The following CDKAL1 variants were observed in gnomAD, a reference collection of about 807,000 sequenced individuals.
The protein encoded by CDKAL1 is threonylcarbamoyladenosine tRNA methylthiotransferase.
CDKAL1 carries 32 observed loss-of-function variants against 68.2 expected under a neutral mutation model. That is an observed-to-expected ratio of 0.47 (90% confidence interval 0.35 to 0.63). CDKAL1 has a LOEUF of 0.63. CDKAL1 is among the 30% of genes least tolerant of loss of function. The probability of loss-of-function intolerance (pLI) is 0.00; values close to 1 mark genes in which losing one functional copy is unlikely to be tolerated. For synonymous variants in CDKAL1, 234 were observed against 244.3 expected (o/e 0.96, Z 0.39); for missense variants, 606 against 696.7 (o/e 0.87, Z 1.47).
At chr6:20,967,485 A>G (rs9460583) in intron 10 of CDKAL1, among the ~76,000 whole-genome samples, 18,026 of 152,216 alleles carry the variant, frequency 0.12, 1,316 homozygotes, top group African/African-American at 0.21. Context: ...ATAATAACAT[A>G]TGAAAACTTT....
chr6:20,587,940 A>G (rs962889026), intron 4 of CDKAL1, among the ~76,000 whole-genome samples: 1 of 152,076 alleles, frequency 6.6e-6, no homozygotes, highest in African/African-American at 2.4e-5. Flanking sequence ...TATGAAAAAT[A>G]TAAAAATTTA....
chr6:21,059,057 TC>T (rs1403906553), intron 11 of CDKAL1, among the ~76,000 whole-genome samples: 4 of 152,200 alleles, frequency 2.6e-5, no homozygotes, highest in African/African-American at 9.6e-5. Flanking sequence ...GCCCCTCCCC[TC>T]AGGGTCTCTG....
intron 8 of CDKAL1, among the ~76,000 whole-genome samples, chr6:20,821,356 C>G (rs1325236923): frequency 6.6e-6 from 1 of 151,992 alleles, no homozygotes; most frequent in Non-Finnish European, 1.5e-5. Flanking sequence ...AGGGTAAGCC[C>G]CTCCTCTGGA....
chr6:20,897,646 C>T (rs1761763460), intron 9 of CDKAL1, among the ~76,000 whole-genome samples: 2 of 152,172 alleles, frequency 1.3e-5, no homozygotes, highest in South Asian at 2.1e-4. Context: ...GGGACTACAA[C>T]ATTATCCTAA....
chr6:21,048,778 A>T (rs1314895770), intron 11 of CDKAL1, among the ~76,000 whole-genome samples: 2 of 152,074 alleles, frequency 1.3e-5, no homozygotes, highest in Non-Finnish European at 2.9e-5. Context: ...TTTCCCATTA[A>T]AGAATGCCAT....
chr6:21,167,219 C>T (rs1388916285), intron 13 of CDKAL1, among the ~76,000 whole-genome samples: 1 of 152,008 alleles, frequency 6.6e-6, no homozygotes, highest in Non-Finnish European at 1.5e-5. Context: ...TTTTTGAGCC[C>T]GTGAGAAAGA....
chr6:20,833,282 A>T (rs148969533), intron 8 of CDKAL1, among the ~76,000 whole-genome samples: 1,727 of 152,282 alleles, frequency 0.011, 31 homozygotes, highest in African/African-American at 0.039. Context: ...ATTCTTTTGG[A>T]AAGAGAGTGG....
At chr6:20,738,541 T>C (rs547816486) in intron 5 of CDKAL1, among the ~76,000 whole-genome samples, 1 of 145,516 alleles carries the variant, frequency 6.9e-6, no homozygotes, top group Non-Finnish European at 1.5e-5. Context: ...CAGGCTAGAA[T>C]ACAGTGGCGC....
chr6:20,694,295 G>A (rs573271938), intron 5 of CDKAL1, among the ~76,000 whole-genome samples: 9 of 152,082 alleles, frequency 5.9e-5, no homozygotes, highest in African/African-American at 1.7e-4. Context: ...CTCCTGCCTC[G>A]GCCTCCCAAA....
At chr6:20,923,731 G>A (rs1219164296) in intron 9 of CDKAL1, among the ~76,000 whole-genome samples, 1 of 152,212 alleles carries the variant, frequency 6.6e-6, no homozygotes, top group Non-Finnish European at 1.5e-5. Context: ...AGCTAGAAAT[G>A]GGCAGGCATG....
intron 11 of CDKAL1, among the ~76,000 whole-genome samples, chr6:21,036,586 A>G (rs999543830): frequency 1.3e-5 from 2 of 152,200 alleles, no homozygotes; most frequent in Non-Finnish European, 2.9e-5. Flanking sequence ...TTACATTTTC[A>G]CAAGCTTTTG....
chr6:20,936,695 T>A (rs2150686974), intron 9 of CDKAL1, among the ~76,000 whole-genome samples: 1 of 152,272 alleles, frequency 6.6e-6, no homozygotes, highest in South Asian at 2.1e-4. Flanking sequence ...AATACAGGCA[T>A]TATCTTTTTT....
At chr6:20,571,003 G>T (rs1764678256) in intron 4 of CDKAL1, among the ~76,000 whole-genome samples, 1 of 152,154 alleles carries the variant, frequency 6.6e-6, no homozygotes, top group South Asian at 2.1e-4. Context: ...ATATTCTGCT[G>T]TGGGGATTTT....
intron 7 of CDKAL1, among the ~76,000 whole-genome samples, chr6:20,774,682 T>C (rs1424888887): frequency 1.3e-5 from 2 of 152,362 alleles, no homozygotes; most frequent in South Asian, 4.1e-4. Context: ...TCATAAGCAT[T>C]TCAGTATTAT....
intron 13 of CDKAL1, among the ~76,000 whole-genome samples, chr6:21,184,823 A>AT (rs34599800): frequency 0.4 from 40,544 of 101,606 alleles, 9,883 homozygotes; most frequent in African/African-American, 0.64. Context: ...CGTGCAGCTA[A>AT]TTTTTTTTTT....
At chr6:21,158,239 T>C (rs1349144117) in intron 13 of CDKAL1, among the ~76,000 whole-genome samples, 1 of 152,204 alleles carries the variant, frequency 6.6e-6, no homozygotes, top group Non-Finnish European at 1.5e-5. Context: ...TCATCCAACC[T>C]TTATTGAGGA....
intron 11 of CDKAL1, among the ~76,000 whole-genome samples, chr6:21,009,805 A>C (rs1269241552): frequency 6.6e-6 from 1 of 152,192 alleles, no homozygotes; most frequent in Admixed American, 6.5e-5. Flanking sequence ...GATCTCATGG[A>C]GATGGAACAT....
At chr6:20,756,917 T>TTCCTTCCTTCCTTCCCTTCCTTCCC (rs1774231742) in intron 6 of CDKAL1, 1 of 81,772 alleles carries the variant, frequency 1.2e-5, no homozygotes. Flanking sequence ...CCTTCCTTCC[T>TTCCTTCCTTCCTTCCCTTCCTTCCC]TCCTTCCCTC....
chr6:20,795,598 A>G (rs1776077493), intron 8 of CDKAL1, among the ~76,000 whole-genome samples: 1 of 152,184 alleles, frequency 6.6e-6, no homozygotes, highest in African/African-American at 2.4e-5. Flanking sequence ...AAATGCCATC[A>G]TTGATTGACT....
Sources: allele counts gnomAD v4.1 joint callset (sites outside exome capture counted in the v4.1 genomes callset), GRCh38; gene constraint gnomAD v4.1.1; transcripts MANE v1.5; gene names NCBI Gene and HGNC (gene_info 2026-07-23, HGNC 2026-07-21).